SEMA3A: variants seen among roughly 807,000 people sequenced by gnomAD.
The protein encoded by SEMA3A is semaphorin-3A.
Under a neutral mutation model 97.9 loss-of-function variants are expected in SEMA3A, and 29 were observed. The observed-to-expected ratio is 0.30, with a 90% CI of 0.22 to 0.40. The LOEUF (loss-of-function observed/expected upper bound fraction) is 0.40, where lower values mean the gene tolerates loss of function less well. Among genes scored for constraint, SEMA3A ranks in the 10% least tolerant of loss-of-function variants. SEMA3A has a pLI of 1.00. For missense variants in SEMA3A, 763 were observed against 951.3 expected, an observed-to-expected ratio of 0.80 and a Z score of 2.60; for synonymous variants, 321 against 323.7, an observed-to-expected ratio of 0.99 and a Z score of 0.09.
At chr7:83,984,778 T>C (rs944304411) in intron 13 of SEMA3A, among the ~76,000 whole-genome samples, 2 of 152,034 alleles carry the variant, frequency 1.3e-5, no homozygotes, top group East Asian at 1.9e-4. Flanking sequence ...AAAGCATCCA[T>C]TTGATATGAA....
chr7:84,004,509 T>C (rs1400095408), intron 11 of SEMA3A, among the ~76,000 whole-genome samples: 2 of 152,126 alleles, frequency 1.3e-5, no homozygotes, highest in Non-Finnish European at 2.9e-5. Flanking sequence ...GTTCACCTTA[T>C]TGTAATTTTA....
chr7:84,406,309 T>C (rs1388962714), intron 1 of SEMA3A, among the ~76,000 whole-genome samples: 1 of 152,106 alleles, frequency 6.6e-6, no homozygotes, highest in Non-Finnish European at 1.5e-5. Context: ...AAGAAATGGA[T>C]AAATTCCTTG....
intron 4 of SEMA3A, among the ~76,000 whole-genome samples, chr7:84,067,401 C>T (rs1793557117): frequency 6.6e-6 from 1 of 152,026 alleles, no homozygotes; most frequent in South Asian, 2.1e-4. Context: ...GCCATGGCAA[C>T]AAAAGCCAAA....
intron 1 of SEMA3A, among the ~76,000 whole-genome samples, chr7:84,401,871 A>G (rs1803913651): frequency 6.6e-6 from 1 of 152,206 alleles, no homozygotes; most frequent in South Asian, 2.1e-4. Flanking sequence ...TGGGTTAAAG[A>G]CAAACCAAAG....
intron 3 of SEMA3A, among the ~76,000 whole-genome samples, chr7:84,121,998 T>A (rs769744354): frequency 6.7e-4 from 97 of 145,666 alleles, no homozygotes; most frequent in Non-Finnish European, 1.2e-3. Context: ...GCATGTGTCT[T>A]TATAGCAGCA....
At chr7:84,141,334 C>T (rs1051703904) in intron 1 of SEMA3A, among the ~76,000 whole-genome samples, 2 of 152,190 alleles carry the variant, frequency 1.3e-5, no homozygotes, top group African/African-American at 4.8e-5. Flanking sequence ...TGAAACACAG[C>T]TCTACCACCT....
chr7:84,401,228 T>C (rs1485415184), intron 1 of SEMA3A, among the ~76,000 whole-genome samples: 1 of 151,926 alleles, frequency 6.6e-6, no homozygotes, highest in Non-Finnish European at 1.5e-5. Flanking sequence ...TAGTGAACAA[T>C]TTGAAAAAGA....
At chr7:84,052,667 T>C (rs1792735415) in intron 5 of SEMA3A, among the ~76,000 whole-genome samples, 1 of 152,250 alleles carries the variant, frequency 6.6e-6, no homozygotes, top group South Asian at 2.1e-4. Flanking sequence ...AACCAGCTCC[T>C]GGATTCATTA....
intron 3 of SEMA3A, among the ~76,000 whole-genome samples, chr7:84,294,251 C>A (rs936798508): frequency 1.3e-5 from 2 of 151,880 alleles, no homozygotes; most frequent in African/African-American, 4.8e-5. Flanking sequence ...AAGCCATGAG[C>A]GTGCCTACTT....
chr7:84,045,893 C>T (rs1792328756), intron 6 of SEMA3A, among the ~76,000 whole-genome samples: 1 of 151,316 alleles, frequency 6.6e-6, no homozygotes, highest in African/African-American at 2.4e-5. Flanking sequence ...ATGTTATTCA[C>T]ACTGCAATAA....
chr7:84,043,733 G>GT (rs1554399441), intron 6 of SEMA3A, among the ~76,000 whole-genome samples: 1 of 152,000 alleles, frequency 6.6e-6, no homozygotes, highest in African/African-American at 2.4e-5. Context: ...CAGCAGTTCT[G>GT]TTTTTTGCAC....
At chr7:84,254,187 A>G (rs532293568) in intron 3 of SEMA3A, among the ~76,000 whole-genome samples, 35 of 152,308 alleles carry the variant, frequency 2.3e-4, no homozygotes, top group African/African-American at 8.4e-4. Flanking sequence ...TCATGATGAC[A>G]ACAAGGGCCA....
intron 3 of SEMA3A, among the ~76,000 whole-genome samples, chr7:84,296,646 T>C (rs766797372): frequency 3.8e-4 from 58 of 152,160 alleles, no homozygotes; most frequent in Admixed American, 7.2e-4. Context: ...AACTAGAATC[T>C]AGATGTCCTG....
intron 3 of SEMA3A, among the ~76,000 whole-genome samples, chr7:84,208,862 G>A (rs1798560066): frequency 6.6e-6 from 1 of 152,100 alleles, no homozygotes; most frequent in Non-Finnish European, 1.5e-5. Context: ...TCTTATTACT[G>A]CATTATACAT....
At chr7:84,068,182 C>G (rs1793604289) in intron 4 of SEMA3A, among the ~76,000 whole-genome samples, 1 of 142,520 alleles carries the variant, frequency 7.0e-6, no homozygotes, top group Non-Finnish European at 1.5e-5. Context: ...AACAAAAAAC[C>G]AAACACCGCA....
chr7:84,113,198 T>C (rs768485458), intron 3 of SEMA3A, among the ~76,000 whole-genome samples: 1 of 152,144 alleles, frequency 6.6e-6, no homozygotes, highest in South Asian at 2.1e-4. Context: ...AGGAGACTCA[T>C]CGAAAACAAT....
At chr7:84,282,628 C>A (rs1800468137) in intron 3 of SEMA3A, among the ~76,000 whole-genome samples, 1 of 152,048 alleles carries the variant, frequency 6.6e-6, no homozygotes, top group Non-Finnish European at 1.5e-5. Context: ...AAAATATTTT[C>A]ATTTCTGTAT....
At chr7:84,323,892 A>G (rs1230311794) in intron 2 of SEMA3A, among the ~76,000 whole-genome samples, 1 of 152,208 alleles carries the variant, frequency 6.6e-6, no homozygotes, top group Non-Finnish European at 1.5e-5. Flanking sequence ...AGAAATATTT[A>G]CATCAAACAT....
intron 1 of SEMA3A, among the ~76,000 whole-genome samples, chr7:84,488,095 C>T (rs1171404222): frequency 1.3e-5 from 2 of 151,624 alleles, no homozygotes; most frequent in South Asian, 2.1e-4. Context: ...TGTGTTTATA[C>T]GGGAAAGGAT....
Sources: allele counts gnomAD v4.1 joint callset (sites outside exome capture counted in the v4.1 genomes callset), GRCh38; gene constraint gnomAD v4.1.1; transcripts MANE v1.5; gene names NCBI Gene and HGNC (gene_info 2026-07-23, HGNC 2026-07-21).